The following SERPINB12 variants were observed in gnomAD, a reference collection of about 807,000 sequenced individuals.
The protein encoded by SERPINB12 is serpin B12.
Under a neutral mutation model 41.1 loss-of-function variants are expected in SERPINB12, and 57 were observed. The ratio of observed to expected loss-of-function variants is 1.39; its 90% CI spans 1.12 to 1.73. SERPINB12 has a LOEUF of 1.73. Ranked by LOEUF, SERPINB12 falls within the 40% of genes most tolerant of loss-of-function variation. The pLI is 0.00. For missense variants in SERPINB12, 536 were observed against 501.9 expected, an observed-to-expected ratio of 1.07 and a Z score of -0.65; for synonymous variants, 180 against 181.3, an observed-to-expected ratio of 0.99 and a Z score of 0.06.
At chr18:63,531,181 C>G in the SERPINB12 span, among the ~76,000 whole-genome samples, 1 of 152,158 alleles carries the variant, frequency 6.6e-6, no homozygotes, top group Non-Finnish European at 1.5e-5. Flanking sequence ...TGAATCCATA[C>G]ACAAAAATGG....
At chr18:63,523,853 C>CA in the SERPINB12 span, among the ~76,000 whole-genome samples, 1 of 152,280 alleles carries the variant, frequency 6.6e-6, no homozygotes, top group East Asian at 1.9e-4. Flanking sequence ...ACAGAAACAG[C>CA]AGGAGGCAGT....
chr18:63,550,326 G>A (rs1434015292), intron 1 of SERPINB12, among the ~76,000 whole-genome samples: 3 of 152,040 alleles, frequency 2.0e-5, no homozygotes, highest in East Asian at 1.9e-4. Flanking sequence ...CACCAAATAC[G>A]GCCTGTGAAT....
intron 1 of SERPINB12, among the ~76,000 whole-genome samples, chr18:63,552,712 A>T (rs112255085): frequency 1.2e-4 from 19 of 152,236 alleles, no homozygotes; most frequent in African/African-American, 4.6e-4. Context: ...TTCATCTTTT[A>T]TATATAGTGA....
intron 6 of SERPINB12, 61 bp from the exon 7 acceptor site, chr18:63,565,384 G>A (rs1165033663): frequency 2.0e-6 from 3 of 1,489,988 alleles, no homozygotes; most frequent in Non-Finnish European, 2.8e-6. Flanking sequence ...TGAAGCTGGG[G>A]CCATATGAAT....
At chr18:63,520,010 G>T in the SERPINB12 span, among the ~76,000 whole-genome samples, 5 of 152,144 alleles carry the variant, frequency 3.3e-5, no homozygotes, top group African/African-American at 1.2e-4. Context: ...CTCTAGAACA[G>T]GTACCCCATG....
chr18:63,554,985 A>T (rs937585236), intron 1 of SERPINB12, among the ~76,000 whole-genome samples: 2 of 152,150 alleles, frequency 1.3e-5, no homozygotes, highest in Non-Finnish European at 2.9e-5. Flanking sequence ...CTGCCGCCTA[A>T]TGAAGAAGGT....
rs777470545 is a variant in SERPINB12, at chr18:63,566,778, G to A, written c.1045G>A (p.Asp349Asn). Residue 349 changes from aspartate (D) to asparagine (N), a missense_variant, in exon 8 of 8, where the codon GAT (aspartate) becomes AAT (asparagine). Physicochemically the swap from Asp to Asn is conservative, Grantham distance 23. Coordinates refer to ENST00000382768, the MANE Select transcript of SERPINB12 (RefSeq NM_001307928.2). ...GGATATCTTTGATGAAACGAGGGCT[G>A]ATCTTACTGGAATCTCTCCAAGTCC... Reference protein sequence around the residue: ...ITDIFDETRADLTGISPSPNL... With the variant: ...ITDIFDETRANLTGISPSPNL... 6 of 1,614,014 alleles carry A rather than the reference G, an allele frequency of 3.7e-6. No homozygotes were observed. Among genetic ancestry groups the A allele is most frequent in the Non-Finnish European group, 5.1e-6 (6 of 1,180,018 alleles).
At chr18:63,527,019 G>A in the SERPINB12 span, among the ~76,000 whole-genome samples, 2 of 152,172 alleles carry the variant, frequency 1.3e-5, no homozygotes, top group Non-Finnish European at 2.9e-5. Flanking sequence ...AAAAGGTACA[G>A]TAAAAATACA....
At position 63,568,723 on chromosome 18, in the gene SERPINB12, C is replaced by T. The variant is rs988436318; in HGVS notation, c.*1712C>T. ...GCTGCCACCAGTCGTTCAGTGTGGC[C>T]ACGCAGTTTTTTTGCAGAAGGCAGG... On this transcript the variant is annotated 3_prime_UTR_variant, in exon 8 of 8. Transcript: ENST00000382768. Among the ~76,000 whole-genome samples, 4 of 152,134 alleles carry T rather than the reference C, an allele frequency of 2.6e-5. No individual in the cohort carries two copies. Among genetic ancestry groups the T allele is most frequent in the Admixed American group, 6.5e-5 (1 of 15,270 alleles).
At position 63,556,264 on chromosome 18, in the gene SERPINB12, CT is replaced by C. The variant is rs781706030; in HGVS notation, c.106del (p.Ser36GlnfsTer40). The C allele has an allele frequency of 1.2e-6, 2 of 1,614,140 alleles. No individual in the cohort carries two copies. The highest frequency in any genetic ancestry group is 1.7e-6 in the Non-Finnish European group (2 of 1,179,986). On this transcript the variant is annotated frameshift_variant, in exon 2 of 8. Transcript: ENST00000382768. LOFTEE classifies it high-confidence loss of function. ...ACATATTTTTCTCTCCCCTGAGCCT[CT>C]CAGCTGCCCTTGGTATGGTACGCTT... The part of the protein sequence containing the change: ...KNIFFSPLSL[S>X]AALGMVRLGA...
chr18:63,531,361 G>T, the SERPINB12 span, among the ~76,000 whole-genome samples: 5 of 152,172 alleles, frequency 3.3e-5, no homozygotes, highest in Non-Finnish European at 5.9e-5. Context: ...CCACGTCTGT[G>T]TTTCTCAAAT....
the SERPINB12 span, among the ~76,000 whole-genome samples, chr18:63,522,239 C>T: frequency 3.9e-5 from 6 of 152,094 alleles, no homozygotes; most frequent in Non-Finnish European, 8.8e-5. Flanking sequence ...GTCTGCAGGA[C>T]GTATAAACAA....
At chr18:63,560,553 T>C (rs574414930) in intron 4 of SERPINB12, among the ~76,000 whole-genome samples, 29 of 152,358 alleles carry the variant, frequency 1.9e-4, no homozygotes, top group Non-Finnish European at 3.4e-4. Flanking sequence ...GTATATTACA[T>C]TACTGATTTT....
chr18:63,558,593 A>G (rs912219529), intron 3 of SERPINB12, 107 bp downstream of exon 3: 3 of 1,244,632 alleles, frequency 2.4e-6, no homozygotes, highest in South Asian at 3.1e-5. Flanking sequence ...TAGACTCTGG[A>G]TACCATCAAC....
At chr18:63,549,177 G>A (rs887433526) in intron 1 of SERPINB12, among the ~76,000 whole-genome samples, 1 of 152,002 alleles carries the variant, frequency 6.6e-6, no homozygotes, top group Admixed American at 6.6e-5. Flanking sequence ...ATATAAACAG[G>A]CACGTACACA....
At chr18:63,528,392 CAATAAATAAATAAATA>C in the SERPINB12 span, among the ~76,000 whole-genome samples, 34 of 144,882 alleles carry the variant, frequency 2.3e-4, no homozygotes, top group Non-Finnish European at 9.1e-5. Context: ...TCTCTGAGAG[CAATAAATAAATAAATA>C]AATAAATAAA....
intron 3 of SERPINB12, among the ~76,000 whole-genome samples, chr18:63,559,014 C>CT (rs1327950657): frequency 3.4e-4 from 20 of 58,740 alleles, no homozygotes; most frequent in African/African-American, 9.6e-4. Flanking sequence ...TTCTTTCTTT[C>CT]TTTCTTTCTT....
Position 63,564,029 on chromosome 18 carries a change from T to C in SERPINB12, c.614T>C (p.Leu205Pro). 2 of 1,614,126 alleles carry C rather than the reference T, an allele frequency of 1.2e-6. No homozygotes were observed. The highest frequency in any genetic ancestry group is 1.1e-5 in the South Asian group (1 of 91,068). Residue 205 changes from leucine (L) to proline (P), a missense_variant, in exon 6 of 8, where the codon CTG becomes CCG. Coordinates refer to ENST00000382768, the MANE Select transcript of SERPINB12 (RefSeq NM_001307928.2). ...GACGCTATTAATGCTGAGACTGTGC[T>C]GGTACTGGTGAATGCTGTTTACTTC... ...SKDAINAETV[L>P]VLVNAVYFKA...
chr18:63,541,082 A>T (rs954615260), upstream of SERPINB12, among the ~76,000 whole-genome samples: 1 of 152,266 alleles, frequency 6.6e-6, no homozygotes, highest in African/African-American at 2.4e-5. Context: ...CAACTACCCC[A>T]AATTTTCTAC....
Sources: gnomAD v4.1 joint callset for allele counts (sites outside exome capture counted in the v4.1 genomes callset) on GRCh38, gnomAD v4.1.1 for gene constraint, MANE v1.5 for transcripts, NCBI Gene and HGNC (gene_info 2026-07-23, HGNC 2026-07-21) for gene names.